The following FAM81B variants were observed in gnomAD, a reference collection of about 807,000 sequenced individuals.
FAM81B encodes family with sequence similarity 81 member B.
FAM81B carries 60 observed loss-of-function variants against 58.7 expected under a neutral mutation model. The observed-to-expected ratio is 1.02, with a 90% CI of 0.83 to 1.27. The LOEUF is 1.27. FAM81B is among the 50% of genes most tolerant of loss of function. FAM81B has a pLI of 0.00. For missense variants in FAM81B, 491 were observed against 522.0 expected, an observed-to-expected ratio of 0.94 and a Z score of 0.58; for synonymous variants, 189 against 179.6, an observed-to-expected ratio of 1.05 and a Z score of -0.42.
At chr5:95,449,689 C>T (rs932608468) in intron 9 of FAM81B, among the ~76,000 whole-genome samples, 1 of 152,082 alleles carries the variant, frequency 6.6e-6, no homozygotes, top group Non-Finnish European at 1.5e-5. Flanking sequence ...AAGAGAGATA[C>T]AAAGTGCTAG....
At chr5:95,403,827 G>T (rs1762174731) in intron 3 of FAM81B, among the ~76,000 whole-genome samples, 1 of 152,132 alleles carries the variant, frequency 6.6e-6, no homozygotes, top group South Asian at 2.1e-4. Context: ...GGCCAGAATT[G>T]CTTCACATGC....
intron 3 of FAM81B, among the ~76,000 whole-genome samples, chr5:95,398,744 G>A (rs1000495961): frequency 3.9e-5 from 6 of 152,216 alleles, no homozygotes; most frequent in African/African-American, 9.6e-5. Context: ...ATAGCTGGCC[G>A]GGGTAGGCCT....
At chr5:95,418,155 T>A (rs1353049778) in intron 4 of FAM81B, among the ~76,000 whole-genome samples, 1 of 152,194 alleles carries the variant, frequency 6.6e-6, no homozygotes, top group East Asian at 1.9e-4. Flanking sequence ...GTGTGAATCA[T>A]CCCTTTGTCC....
intron 3 of FAM81B, among the ~76,000 whole-genome samples, chr5:95,401,985 A>C (rs1361726918): frequency 6.6e-6 from 1 of 152,200 alleles, no homozygotes; most frequent in Non-Finnish European, 1.5e-5. Flanking sequence ...GCCCCCTAGG[A>C]ATTTTTCCTC....
rs1344040100 is a variant in FAM81B, at chr5:95,436,796, C to G, written c.787-4C>G. 1 of 1,597,608 alleles carries G rather than the reference C, an allele frequency of 6.3e-7. No homozygotes were observed. Among genetic ancestry groups the G allele is most frequent in the South Asian group, 1.1e-5 (1 of 90,764 alleles). ...ATGCACAAACCCTCTCGTACTTTGA[C>G]TAGGTGATGCAGCTCTTAGGAAAGA... On this transcript the variant is annotated splice_polypyrimidine_tract_variant and splice_region_variant and intron_variant, in intron 6 of 9. Coordinates refer to ENST00000283357, the MANE Select transcript of FAM81B (RefSeq NM_152548.3).
At chr5:95,423,459 T>G (rs1469588200) in intron 5 of FAM81B, among the ~76,000 whole-genome samples, 3 of 149,328 alleles carry the variant, frequency 2.0e-5, no homozygotes, top group Non-Finnish European at 4.4e-5. Flanking sequence ...TAGGGATGGA[T>G]ATGACTTACA....
At chr5:95,417,297 G>A (rs1232375690) in intron 4 of FAM81B, among the ~76,000 whole-genome samples, 1 of 152,054 alleles carries the variant, frequency 6.6e-6, no homozygotes, top group Non-Finnish European at 1.5e-5. Context: ...CTAACTTCAT[G>A]GAACAGAAAT....
intron 3 of FAM81B, among the ~76,000 whole-genome samples, chr5:95,402,507 C>G (rs564020401): frequency 2.0e-5 from 3 of 152,180 alleles, no homozygotes; most frequent in Non-Finnish European, 4.4e-5. Context: ...TAAAAATAAT[C>G]TTTAAAAATT....
At chr5:95,426,946 G>A (rs1430239736) in intron 5 of FAM81B, among the ~76,000 whole-genome samples, 1 of 152,200 alleles carries the variant, frequency 6.6e-6, no homozygotes, top group Non-Finnish European at 1.5e-5. Flanking sequence ...CTACTCGGGA[G>A]GGTGAGGCAG....
At chr5:95,402,013 A>T (rs1196627282) in intron 3 of FAM81B, among the ~76,000 whole-genome samples, 3 of 152,240 alleles carry the variant, frequency 2.0e-5, no homozygotes, top group African/African-American at 7.2e-5. Context: ...TGGTGACTCC[A>T]TCTGCACTAG....
At chr5:95,448,616 T>A in intron 9 of FAM81B, 152 bp downstream of exon 9, 1 of 735,384 alleles carries the variant, frequency 1.4e-6, no homozygotes, top group South Asian at 2.0e-5. Context: ...CTATAGAATA[T>A]GAGTATTATA....
intron 6 of FAM81B, among the ~76,000 whole-genome samples, chr5:95,432,242 T>A (rs1744931411): frequency 6.6e-6 from 1 of 152,114 alleles, no homozygotes; most frequent in African/African-American, 2.4e-5. Context: ...TAAAATAAAT[T>A]ACACTCATTA....
intron 5 of FAM81B, among the ~76,000 whole-genome samples, chr5:95,427,000 G>T (rs1185059489): frequency 6.6e-6 from 1 of 152,138 alleles, no homozygotes; most frequent in Non-Finnish European, 1.5e-5. Context: ...AGTGAGCCGA[G>T]ATTGTGCCAC....
At chr5:95,440,324 A>G (rs1193818265) in intron 7 of FAM81B, 4 of 973,930 alleles carry the variant, frequency 4.1e-6, no homozygotes, top group South Asian at 1.3e-5. Flanking sequence ...ATGCAGAACC[A>G]TTGATCAATT....
intron 4 of FAM81B, among the ~76,000 whole-genome samples, chr5:95,419,812 A>G (rs1762630225): frequency 6.6e-6 from 1 of 152,220 alleles, no homozygotes; most frequent in African/African-American, 2.4e-5. Context: ...TCAATCCATA[A>G]AAAATCTTGC....
At chr5:95,434,552 C>G (rs894480386) in intron 6 of FAM81B, among the ~76,000 whole-genome samples, 1 of 152,206 alleles carries the variant, frequency 6.6e-6, no homozygotes, top group African/African-American at 2.4e-5. Context: ...TTAATTACAG[C>G]TGCAAATCCC....
chr5:95,396,058 G>C, intron 2 of FAM81B, 53 bp from the exon 3 acceptor site: 2 of 1,357,044 alleles, frequency 1.5e-6, no homozygotes, highest in Non-Finnish European at 2.1e-6. Flanking sequence ...CTGCATAGAA[G>C]TAATCTGTAA....
intron 7 of FAM81B, chr5:95,440,615 T>G (rs1449488929): frequency 2.7e-6 from 2 of 751,290 alleles, no homozygotes; most frequent in African/African-American, 1.8e-5. Flanking sequence ...CAAAAATTAA[T>G]GAAGCCATAG....
chr5:95,409,512 T>C (rs886632853), intron 3 of FAM81B, among the ~76,000 whole-genome samples: 3 of 133,950 alleles, frequency 2.2e-5, no homozygotes, highest in African/African-American at 8.4e-5. Context: ...AAGTTTAAAA[T>C]TGTCTATAAG....
Sources: allele counts gnomAD v4.1 joint callset (sites outside exome capture counted in the v4.1 genomes callset), GRCh38; gene constraint gnomAD v4.1.1; transcripts MANE v1.5; gene names NCBI Gene and HGNC (gene_info 2026-07-23, HGNC 2026-07-21).